The following MAGED1 variants were observed in gnomAD, a reference collection of about 807,000 sequenced individuals.
MAGED1 encodes melanoma-associated antigen D1.
Under a neutral mutation model 54.1 loss-of-function variants are expected in MAGED1, and 3 were observed. That is an observed-to-expected ratio of 0.06 (90% confidence interval 0.03 to 0.14). MAGED1 has a LOEUF of 0.14. MAGED1 is among the 10% of genes least tolerant of loss of function. MAGED1 has a pLI of 1.00. For missense variants in MAGED1, 485 were observed against 623.4 expected, an observed-to-expected ratio of 0.78 and a Z score of 2.36; for synonymous variants, 217 against 227.3, an observed-to-expected ratio of 0.95 and a Z score of 0.41.
chrX:51,845,915 A>G (rs782819404), intron 1 of MAGED1, among the ~76,000 whole-genome samples: 10 of 110,809 alleles, frequency 9.0e-5, no homozygotes, highest in Admixed American at 1.9e-4. Context: ...AGCTGGTACT[A>G]CAGGTGCATA....
rs1414521987 is a variant in MAGED1, at chrX:51,806,915, G to A, written c.-37+3798G>A. Among the ~76,000 whole-genome samples, 3 of 110,284 alleles carry A rather than the reference G, an allele frequency of 2.7e-5. No individual in the cohort carries two copies. In the Admixed American group the frequency reaches 2.9e-4, roughly 11 times the overall value. ...TGATTCTTCTGCCTCAGCCTCCCGA[G>A]TAGCTGGGATTACAGGTGACCACCA... On this transcript the variant is annotated intron_variant, in intron 1 of 12. Coordinates refer to the MAGED1 transcript ENST00000375772.
intron 1 of MAGED1, among the ~76,000 whole-genome samples, chrX:51,871,526 G>A (rs2146995451): frequency 9.6e-6 from 1 of 104,497 alleles, no homozygotes; most frequent in South Asian, 4.2e-4. Context: ...TGCGGTGTTT[G>A]GTTTTTTGTC....
chrX:51,901,939 G>A lies in MAGED1; in HGVS notation c.*8+1G>A. On this transcript the variant is annotated splice_donor_variant, in intron 12 of 12. Transcript: ENST00000326587. LOFTEE classifies it low-confidence loss of function (3UTR_SPLICE). ...TCTTCTGGGTTGAGTGAGATGTTGG[G>A]TAGGTACATCACTTTGGATTGGGCA... is the stretch of plus-strand genomic sequence containing the variant. The A allele has an allele frequency of 8.3e-7, 1 of 1,197,845 alleles. No homozygotes were observed. The highest frequency in any genetic ancestry group is 3.0e-5 in the East Asian group (1 of 33,671).
chrX:51,847,227 T>G (rs782115310), intron 1 of MAGED1, among the ~76,000 whole-genome samples: 1 of 111,728 alleles, frequency 9.0e-6, no homozygotes, highest in African/African-American at 3.3e-5. Context: ...CCATTTCCCT[T>G]GTTTCCTCTG....
intron 1 of MAGED1, among the ~76,000 whole-genome samples, chrX:51,866,061 A>G (rs1328457676): frequency 2.7e-5 from 3 of 112,049 alleles, no homozygotes; most frequent in African/African-American, 9.7e-5. Context: ...TTTATAAATT[A>G]TGCAGTCTCA....
At chrX:51,846,254 A>G (rs782196116) in intron 1 of MAGED1, among the ~76,000 whole-genome samples, 50 of 112,030 alleles carry the variant, frequency 4.5e-4, no homozygotes, top group African/African-American at 1.6e-3. Context: ...ATCCTGTATT[A>G]CCCAATGTAG....
At chrX:51,838,991 C>T (rs1300495392) in intron 1 of MAGED1, among the ~76,000 whole-genome samples, 1 of 110,805 alleles carries the variant, frequency 9.0e-6, no homozygotes, top group Non-Finnish European at 1.9e-5. Flanking sequence ...CATCACAGAG[C>T]GACACTCAGG....
At chrX:51,894,181 C>T in intron 1 of MAGED1, 88 bp from the exon 2 acceptor site, 1 of 520,781 alleles carries the variant, frequency 1.9e-6, no homozygotes, top group South Asian at 2.9e-5. Flanking sequence ...CCTTATCCGC[C>T]CGCACAGTCA....
At chrX:51,848,656 T>C (rs930679269) in intron 1 of MAGED1, among the ~76,000 whole-genome samples, 5 of 111,781 alleles carry the variant, frequency 4.5e-5, no homozygotes, top group Non-Finnish European at 7.5e-5. Context: ...AATGGTACTG[T>C]ATGGCCCAAG....
At chrX:51,855,677 C>T (rs1557360130) in intron 1 of MAGED1, among the ~76,000 whole-genome samples, 1 of 111,186 alleles carries the variant, frequency 9.0e-6, no homozygotes, top group Non-Finnish European at 1.9e-5. Flanking sequence ...AGGTGCCCAC[C>T]ACCATGCCCG....
intron 1 of MAGED1, among the ~76,000 whole-genome samples, chrX:51,804,047 C>G (rs1432936592): frequency 8.9e-6 from 1 of 112,098 alleles, no homozygotes; most frequent in African/African-American, 3.2e-5. Context: ...AAACAGCAAG[C>G]TGACATTTTG....
Position 51,878,679 on chromosome X carries a change from A to G in MAGED1, c.-36-15590A>G, listed in dbSNP as rs782504106. 3.6e-5 allele frequency among the ~76,000 whole-genome samples: 4 copies of G among 111,864 alleles called. No homozygotes were observed. The East Asian group carries it at 1.1e-3, about 31-fold the overall frequency. On this transcript the variant is annotated intron_variant, in intron 1 of 12. Transcript: ENST00000375772. Reference sequence around the variant, plus strand: ...AGCAGGTAATACATGTATTTTTGCCATCATTATTTCTCCAGCACTTATCAC... The same window carrying G: ...AGCAGGTAATACATGTATTTTTGCCGTCATTATTTCTCCAGCACTTATCAC...
chrX:51,901,712 T>A lies in MAGED1; in HGVS notation c.2119T>A (p.Trp707Arg). ...GDEAVSGPWS[W>R]DDIEFELLTW... ...TGAGGCTGTGTCTGGGCCCTGGAGC[T>A]GGGATGACATTGAGTTTGAGCTGCT... Residue 707 changes from tryptophan to arginine, a missense_variant, in exon 12 of 13, where the codon TGG becomes AGG. Physicochemically the swap from Trp to Arg is moderately radical, Grantham distance 101. Coordinates refer to ENST00000326587, the MANE Select transcript of MAGED1 (RefSeq NM_006986.4). 8.3e-7 allele frequency: 1 copy of A among 1,211,287 alleles called. No homozygotes were observed. The highest frequency in any genetic ancestry group is 1.1e-6 in the Non-Finnish European group (1 of 895,340).
At chrX:51,838,345 TC>T (rs1557358121) in intron 1 of MAGED1, among the ~76,000 whole-genome samples, 1 of 112,735 alleles carries the variant, frequency 8.9e-6, no homozygotes, top group Admixed American at 9.4e-5. Context: ...CCCAAGCCAT[TC>T]AATAGCCATT....
intron 1 of MAGED1, among the ~76,000 whole-genome samples, chrX:51,888,485 T>G (rs1390515250): frequency 5.4e-5 from 6 of 111,915 alleles, no homozygotes; most frequent in Non-Finnish European, 9.4e-5. Flanking sequence ...TAGCAAGGAT[T>G]TGGAGAAACT....
chrX:51,813,736 C>T (rs1381130470), intron 1 of MAGED1, among the ~76,000 whole-genome samples: 3 of 111,492 alleles, frequency 2.7e-5, no homozygotes, highest in Non-Finnish European at 5.6e-5. Flanking sequence ...TAATGACAGC[C>T]ATCATGGGGG....
At chrX:51,827,671 T>C (rs1925904460) in intron 1 of MAGED1, among the ~76,000 whole-genome samples, 1 of 111,700 alleles carries the variant, frequency 9.0e-6, no homozygotes, top group South Asian at 3.8e-4. Flanking sequence ...ATCTCTACCT[T>C]GGACTCAGTT....
intron 1 of MAGED1, among the ~76,000 whole-genome samples, chrX:51,844,416 T>C (rs1557359057): frequency 8.9e-6 from 1 of 112,168 alleles, no homozygotes; most frequent in Non-Finnish European, 1.9e-5. Context: ...GTGACAAGAA[T>C]GAGAGAAATT....
rs1296369555 is a variant in MAGED1, at chrX:51,893,654, A to C, written c.-138A>C. 8.8e-6 allele frequency: 1 copy of C among 113,442 alleles called. No individual in the cohort carries two copies. Among genetic ancestry groups the C allele is most frequent in the Non-Finnish European group, 1.9e-5 (1 of 53,390 alleles). The allele number at this position is 113,442 out of a possible 1,213,427, so 9.3% of individuals were successfully genotyped here. On this transcript the variant is annotated 5_prime_UTR_variant, in exon 1 of 13. Coordinates refer to ENST00000326587, the MANE Select transcript of MAGED1 (RefSeq NM_006986.4). ...CCGCGCTGGCATTTTCTCCTGGACA[A>C]GGAGAGAGTGCGGCTGCTGAGAGCC...
Sources: gnomAD v4.1 joint callset for allele counts (sites outside exome capture counted in the v4.1 genomes callset) on GRCh38, gnomAD v4.1.1 for gene constraint, MANE v1.5 for transcripts, NCBI Gene and HGNC (gene_info 2026-07-23, HGNC 2026-07-21) for gene names.